N4BP2L2: variants seen among roughly 807,000 people sequenced by gnomAD.
The protein encoded by N4BP2L2 is NEDD4 binding protein 2 like 2.
A neutral mutation model predicts 56.2 loss-of-function variants in N4BP2L2; 50 were observed. The ratio of observed to expected loss-of-function variants is 0.89; its 90% CI spans 0.71 to 1.13. The LOEUF is 1.13. Ranked by LOEUF, N4BP2L2 falls within the 50% of genes most tolerant of loss-of-function variation. The pLI, the probability that N4BP2L2 is intolerant of heterozygous loss-of-function variation, is 0.00. For synonymous variants in N4BP2L2, 203 were observed against 223.6 expected (o/e 0.91, Z 0.82); for missense variants, 689 against 693.8 (o/e 0.99, Z 0.08).
At chr13:32,492,371 C>T (rs1189897671) in intron 6 of N4BP2L2, among the ~76,000 whole-genome samples, 2 of 148,668 alleles carry the variant, frequency 1.3e-5, no homozygotes, top group African/African-American at 5.0e-5. Flanking sequence ...CAAGACCCGC[C>T]TCCCGGATTC....
intron 6 of N4BP2L2, among the ~76,000 whole-genome samples, chr13:32,499,928 C>A (rs563793136): frequency 6.6e-6 from 1 of 152,322 alleles, no homozygotes; most frequent in Admixed American, 6.5e-5. Flanking sequence ...TAGAATCATT[C>A]TTCTACACAC....
intron 9 of N4BP2L2, among the ~76,000 whole-genome samples, chr13:32,434,649 T>C (rs375871827): frequency 6.6e-6 from 1 of 152,236 alleles, no homozygotes; most frequent in East Asian, 1.9e-4. Context: ...GGGCACCGAC[T>C]TGTGGCTCCC....
rs781063529 is a variant in N4BP2L2, at chr13:32,517,769, C to G, written c.*33G>C. ...AGGCTCACTAACTCTTTTTCAAGTG[C>G]AACAACAAATGTGTTAGCTGAAAAT... On this transcript the variant is annotated 3_prime_UTR_variant, in exon 6 of 6. Transcript: ENST00000267068. 12 of 1,605,200 alleles carry G rather than the reference C, an allele frequency of 7.5e-6. No individual in the cohort carries two copies. The South Asian group carries it at 1.3e-4, about 18-fold the overall frequency.
chr13:32,492,916 G>GTTTTGT (rs766366830), intron 6 of N4BP2L2, among the ~76,000 whole-genome samples: 3 of 107,516 alleles, frequency 2.8e-5, no homozygotes, highest in Admixed American at 1.1e-4. Context: ...TAGCTTTTCT[G>GTTTTGT]TTTTTTTTTT....
chr13:32,484,642 G>A (rs549474949), intron 6 of N4BP2L2, among the ~76,000 whole-genome samples: 1 of 152,000 alleles, frequency 6.6e-6, no homozygotes, highest in East Asian at 1.9e-4. Context: ...GCGCCACCAC[G>A]CCCAGCTAAT....
chr13:32,536,034 C>A, exon 2 of N4BP2L2: 2 of 1,613,914 alleles, frequency 1.2e-6, no homozygotes, highest in Non-Finnish European at 1.7e-6. Context: ...TTGTTCTGAT[C>A]AAAAGTCATG....
intron 2 of N4BP2L2, among the ~76,000 whole-genome samples, chr13:32,530,695 T>C (rs1344206932): frequency 6.6e-6 from 1 of 152,092 alleles, no homozygotes; most frequent in Non-Finnish European, 1.5e-5. Context: ...GAAATAATTT[T>C]GGCAAGTTAG....
chr13:32,443,988 C>T (rs373963438), exon 7 of N4BP2L2: 67 of 1,607,536 alleles, frequency 4.2e-5, no homozygotes, highest in African/African-American at 5.3e-5. Context: ...CCTGATCTCC[C>T]GGTGTAAGAT....
intron 3 of N4BP2L2, chr13:32,524,727 CAT>C (rs1237036790): frequency 6.6e-6 from 1 of 152,030 alleles, no homozygotes; most frequent in African/African-American, 2.4e-5. Context: ...ATTCAAATGA[CAT>C]AAACATTTTA....
chr13:32,516,529 C>G (rs1012067686), exon 6 of N4BP2L2: 1 of 152,020 alleles, frequency 6.6e-6, no homozygotes. Flanking sequence ...GAGAGAATAT[C>G]TAAAGTTGAA....
intron 6 of N4BP2L2, among the ~76,000 whole-genome samples, chr13:32,497,890 C>A (rs113862498): frequency 2.6e-5 from 4 of 152,176 alleles, no homozygotes; most frequent in Non-Finnish European, 4.4e-5. Flanking sequence ...AAATGTCATT[C>A]ATACTGATGC....
chr13:32,537,799 A>G (rs887894655), intron 1 of N4BP2L2, among the ~76,000 whole-genome samples: 1 of 152,196 alleles, frequency 6.6e-6, no homozygotes, highest in African/African-American at 2.4e-5. Context: ...TAGGCCTGGC[A>G]GAGTGGTTCA....
chr13:32,477,248 A>G, intron 6 of N4BP2L2: 1 of 322,994 alleles, frequency 3.1e-6, no homozygotes, highest in Non-Finnish European at 5.9e-6. Context: ...TACAAGGGCT[A>G]AAAGGCTGCA....
chr13:32,477,891 CAA>C, intron 6 of N4BP2L2: 1 of 1,289,414 alleles, frequency 7.8e-7, no homozygotes, highest in Non-Finnish European at 1.0e-6. Flanking sequence ...AATCACCTCT[CAA>C]GAGATCAAAG....
intron 6 of N4BP2L2, among the ~76,000 whole-genome samples, chr13:32,471,850 C>T (rs866027080): frequency 1.3e-5 from 2 of 152,258 alleles, no homozygotes; most frequent in Non-Finnish European, 2.9e-5. Flanking sequence ...GTCGCCCATC[C>T]ACCCACTCCC....
chr13:32,450,221 T>C (rs966190937), intron 6 of N4BP2L2, among the ~76,000 whole-genome samples: 2 of 151,940 alleles, frequency 1.3e-5, no homozygotes, highest in African/African-American at 4.8e-5. Flanking sequence ...TTAGTAACAA[T>C]AAATTTTTTG....
At chr13:32,488,252 T>C (rs963451803) in intron 6 of N4BP2L2, among the ~76,000 whole-genome samples, 1 of 152,186 alleles carries the variant, frequency 6.6e-6, no homozygotes, top group Admixed American at 6.5e-5. Context: ...ATTATGTCCT[T>C]TGAAGTAACA....
At chr13:32,441,226 A>G (rs2076280826) in intron 7 of N4BP2L2, among the ~76,000 whole-genome samples, 2 of 152,172 alleles carry the variant, frequency 1.3e-5, no homozygotes, top group Admixed American at 6.6e-5. Flanking sequence ...TCATCCCTTC[A>G]GTATCCTTTT....
At chr13:32,497,391 A>G (rs1408762340) in intron 6 of N4BP2L2, among the ~76,000 whole-genome samples, 2 of 152,220 alleles carry the variant, frequency 1.3e-5, no homozygotes, top group Admixed American at 6.5e-5. Context: ...TTTAGTTTTT[A>G]AAAACTTTAT....
Sources: gnomAD v4.1 joint callset for allele counts (sites outside exome capture counted in the v4.1 genomes callset) on GRCh38, gnomAD v4.1.1 for gene constraint, MANE v1.5 for transcripts, NCBI Gene and HGNC (gene_info 2026-07-23, HGNC 2026-07-21) for gene names.